The following RAD23B variants were observed in gnomAD, a reference collection of about 807,000 sequenced individuals.
RAD23B encodes RAD23 nucleotide excision repair protein B, also known as lysine-specific demethylase RAD23B.
A neutral mutation model predicts 49.1 loss-of-function variants in RAD23B; 5 were observed. That is an observed-to-expected ratio of 0.10 (90% CI 0.05 to 0.21). The LOEUF is 0.21. RAD23B is among the 10% of genes least tolerant of loss of function. The pLI, the probability that RAD23B is intolerant of heterozygous loss-of-function variation, is 1.00. For synonymous variants in RAD23B, 184 were observed against 165.4 expected, an observed-to-expected ratio of 1.11 and a Z score of -0.86; for missense variants, 356 against 486.7, an observed-to-expected ratio of 0.73 and a Z score of 2.53.
rs1255867824 is a variant in RAD23B at position 107,314,787 on chromosome 9, G to A, written c.553+3050G>A. ...AAAGGATGTACTAATGGACATTTCCGCCAGCAGTGTATAAGCATTCTATTT... is the reference window on the plus strand; with the variant it reads ...AAAGGATGTACTAATGGACATTTCCACCAGCAGTGTATAAGCATTCTATTT... On this transcript the variant is annotated intron_variant, in intron 5 of 9. Coordinates refer to ENST00000358015, the MANE Select transcript of RAD23B (RefSeq NM_002874.5). 1.3e-5 allele frequency among the ~76,000 whole-genome samples: 2 copies of A among 152,112 alleles called. 1 individual carries two copies. The highest frequency in any genetic ancestry group is 2.9e-5 in the Non-Finnish European group (2 of 68,008).
intron 1 of RAD23B, among the ~76,000 whole-genome samples, chr9:107,289,008 T>C (rs1290306836): frequency 6.6e-6 from 1 of 151,240 alleles, no homozygotes; most frequent in Non-Finnish European, 1.5e-5. Flanking sequence ...TTTGTCTCTG[T>C]CTCTCTTTTC....
At chr9:107,312,665 G>A (rs941434302) in intron 5 of RAD23B, among the ~76,000 whole-genome samples, 3 of 152,184 alleles carry the variant, frequency 2.0e-5, no homozygotes, top group African/African-American at 7.2e-5. Context: ...CAAATACAGT[G>A]TGAGTTAGTC....
intron 2 of RAD23B, among the ~76,000 whole-genome samples, chr9:107,300,427 G>A (rs1428882689): frequency 1.3e-5 from 2 of 151,386 alleles, no homozygotes; most frequent in Non-Finnish European, 2.9e-5. Flanking sequence ...TCCATCAAAT[G>A]GTATTAGTTT....
rs79639067 is a variant in RAD23B at position 107,306,454 on chromosome 9, T to G, written c.304T>G (p.Ser102Ala). ...TGCCAGCACTACAGCAGTTACTTCC[T>G]CCACCACCACAACTGTGGCTCAGGC... ...APASTTAVTSSTTTTVAQAPT... is the reference protein window; with the variant it reads ...APASTTAVTSATTTTVAQAPT... The change falls in exon 4 of 10, where the codon TCC becomes GCC. Residue 102 changes from serine (S) to alanine (A), a missense_variant. Transcript: ENST00000358015. The G allele has an allele frequency of 2.5e-6, 4 of 1,614,054 alleles. No individual in the cohort carries two copies. In the African/African-American group the frequency reaches 5.3e-5, roughly 22 times the overall value.
chr9:107,331,758 A>G lies in RAD23B; in HGVS notation c.*2102A>G, dbSNP rs1226977045. The G allele has an allele frequency of 2.6e-6, 2 of 776,330 alleles. No individual in the cohort carries two copies. Among genetic ancestry groups the G allele is most frequent in the Admixed American group, 1.7e-5 (1 of 58,362 alleles). 48.1% of individuals were successfully genotyped at this position (776,330 alleles called of 1,614,324 possible). On this transcript the variant is annotated 3_prime_UTR_variant, in exon 10 of 10. Transcript: ENST00000358015. ...TGGCATGGAGCTTGTGTCCTTGGAC[A>G]ACAAATCTGGATATACTAGGATTAA... is the stretch of plus-strand genomic sequence containing the variant.
At chr9:107,324,247 T>C (rs970074452) in intron 8 of RAD23B, among the ~76,000 whole-genome samples, 8 of 152,220 alleles carry the variant, frequency 5.3e-5, no homozygotes, top group Admixed American at 2.6e-4. Context: ...TTGGGAAACA[T>C]TTTATATTTC....
intron 5 of RAD23B, among the ~76,000 whole-genome samples, chr9:107,311,982 C>T (rs947553419): frequency 1.3e-5 from 2 of 152,058 alleles, no homozygotes; most frequent in Non-Finnish European, 2.9e-5. Context: ...TTCCATTTTC[C>T]GGATGTGAAT....
intron 3 of RAD23B, among the ~76,000 whole-genome samples, chr9:107,304,908 CT>C (rs1218191644): frequency 3.9e-5 from 6 of 152,154 alleles, no homozygotes; most frequent in Admixed American, 6.5e-5. Context: ...GACCAGAAGC[CT>C]TACTGATAAC....
chr9:107,311,546 G>A (rs969310129), intron 4 of RAD23B, 136 bp from the exon 5 acceptor site: 2 of 637,636 alleles, frequency 3.1e-6, no homozygotes. Flanking sequence ...AGAAGAGACA[G>A]TTTAAATACT....
In RAD23B at chr9:107,323,896, C is replaced by T; in HGVS notation, c.824C>T (p.Pro275Leu). ...TTTTTSSGGH[P>L]LEFLRNQPQF... Reference sequence around the variant, plus strand: ...ATGTTTATGTGTATTTTAGGACATCCCCTTGAATTTTTACGGAATCAGCCT... The same window carrying T: ...ATGTTTATGTGTATTTTAGGACATCTCCTTGAATTTTTACGGAATCAGCCT... Residue 275 changes from proline to leucine, a missense_variant, in exon 8 of 10, where the codon CCC becomes CTC. Coordinates refer to ENST00000358015, the MANE Select transcript of RAD23B (RefSeq NM_002874.5). 1 of 1,607,078 alleles carries T rather than the reference C, an allele frequency of 6.2e-7. No homozygotes were observed. Among genetic ancestry groups the T allele is most frequent in the Non-Finnish European group, 8.5e-7 (1 of 1,173,810 alleles).
chr9:107,325,284 A>T (rs1827183790), intron 9 of RAD23B, among the ~76,000 whole-genome samples: 1 of 134,560 alleles, frequency 7.4e-6, no homozygotes, highest in Admixed American at 8.6e-5. Context: ...ACTGCACTCC[A>T]GCCTGGGCAA....
chr9:107,284,197 G>A lies in RAD23B; in HGVS notation c.66+502G>A, dbSNP rs1051147257. On this transcript the variant is annotated intron_variant, in intron 1 of 9. Coordinates refer to ENST00000358015, the MANE Select transcript of RAD23B (RefSeq NM_002874.5). ...CGTTTGCCGCCGAGAGGTGAGTGGT[G>A]GTGAAAATGAATTTGCCCCTTTCCC... 5.1e-6 allele frequency: 5 copies of A among 985,736 alleles called. No individual in the cohort carries two copies. In the African/African-American group the frequency reaches 7.0e-5, roughly 14 times the overall value. 61.1% of individuals were successfully genotyped at this position (985,736 alleles called of 1,614,324 possible). A position where few individuals can be genotyped will look rare whatever the true frequency, so the allele number is the denominator to read the frequency against.
intron 8 of RAD23B, 21 bp from the exon 9 acceptor site, chr9:107,324,813 C>T: frequency 3.2e-6 from 5 of 1,566,368 alleles, no homozygotes; most frequent in Non-Finnish European, 4.3e-6. Context: ...TTATTTTTCT[C>T]TGTCCTTCAT....
Position 107,324,029 on chromosome 9 carries a change from G to C in RAD23B, c.945+12G>C. ...CTCAATTACTTCAGGTGACTAATCA[G>C]TGTCAGTTTCACAAGTGATTTAGAG... On this transcript the variant is annotated intron_variant, in intron 8 of 9. Transcript: ENST00000358015. 6.2e-7 allele frequency: 1 copy of C among 1,612,326 alleles called. No individual in the cohort carries two copies. Among genetic ancestry groups the C allele is most frequent in the Non-Finnish European group, 8.5e-7 (1 of 1,178,672 alleles).
At chr9:107,322,615 A>AT (rs1827132143) in intron 7 of RAD23B, among the ~76,000 whole-genome samples, 1 of 151,894 alleles carries the variant, frequency 6.6e-6, no homozygotes, top group African/African-American at 2.4e-5. Context: ...TACCCCACAC[A>AT]TTGCTATAGG....
intron 5 of RAD23B, among the ~76,000 whole-genome samples, chr9:107,313,536 T>A (rs1463924912): frequency 6.6e-6 from 1 of 152,208 alleles, no homozygotes; most frequent in African/African-American, 2.4e-5. Flanking sequence ...TTAATTCGTT[T>A]TATTTTACCT....
chr9:107,325,278 C>T (rs1827183725), intron 9 of RAD23B, among the ~76,000 whole-genome samples: 1 of 130,016 alleles, frequency 7.7e-6, no homozygotes, highest in Admixed American at 9.0e-5. Context: ...TGTGCCACTG[C>T]ACTCCAGCCT....
chr9:107,308,568 A>G (rs117955885), intron 4 of RAD23B, among the ~76,000 whole-genome samples: 6 of 152,182 alleles, frequency 3.9e-5, no homozygotes, highest in Admixed American at 1.3e-4. Context: ...TTACTTACCT[A>G]TTCTAAAAAG....
intron 5 of RAD23B, among the ~76,000 whole-genome samples, chr9:107,314,904 T>G (rs2133088208): frequency 6.6e-6 from 1 of 152,344 alleles, no homozygotes; most frequent in East Asian, 1.9e-4. Flanking sequence ...ATGTTGAGCA[T>G]TTTTTCATGT....
Sources: allele counts gnomAD v4.1 joint callset (sites outside exome capture counted in the v4.1 genomes callset), GRCh38; gene constraint gnomAD v4.1.1; transcripts MANE v1.5; gene names NCBI Gene and HGNC (gene_info 2026-07-23, HGNC 2026-07-21).